The following NADK variants were observed in gnomAD, a reference collection of about 807,000 sequenced individuals.
The protein encoded by NADK is poly(P)/ATP NAD kinase.
NADK carries 22 observed loss-of-function variants against 49.8 expected under a neutral mutation model. That is an observed-to-expected ratio of 0.44 (90% CI 0.32 to 0.63). The LOEUF (loss-of-function observed/expected upper bound fraction) is 0.63, where lower values mean the gene tolerates loss of function less well. NADK is among the 30% of genes least tolerant of loss of function. NADK has a pLI of 0.06. For synonymous variants in NADK, 268 were observed against 253.7 expected (o/e 1.06, Z -0.54); for missense variants, 438 against 609.4 (o/e 0.72, Z 2.96).
At chr1:1,756,861 C>T (rs542461420) in intron 4 of NADK, 56 of 815,292 alleles carry the variant, frequency 6.9e-5, no homozygotes, top group East Asian at 3.1e-4. Context: ...TCCTGGGCGC[C>T]GCAACCCCCA....
rs150051653 is a variant in NADK at position 1,774,292 on chromosome 1, G to A, written c.-41+3997C>T. 6.1e-3 allele frequency among the ~76,000 whole-genome samples: 933 copies of A among 151,976 alleles called. 8 individuals are homozygous for A. Among genetic ancestry groups the A allele is most frequent in the Middle Eastern group, 0.01 (3 of 294 alleles). ...GTTGTCCAGGCTGGAGTGCAGTGGCGCGATCTCGGCTCACCGCAAACTCTG... is the reference window on the plus strand; with the variant it reads ...GTTGTCCAGGCTGGAGTGCAGTGGCACGATCTCGGCTCACCGCAAACTCTG... On this transcript the variant is annotated intron_variant, in intron 1 of 11. Coordinates refer to ENST00000341426, the MANE Select transcript of NADK (RefSeq NM_023018.5).
Position 1,752,748 on chromosome 1 carries a change from G to T in NADK, c.*156C>A. The T allele has an allele frequency of 7.2e-6, 6 of 835,852 alleles. No homozygotes were observed. Among genetic ancestry groups the T allele is most frequent in the East Asian group, 2.6e-5 (1 of 38,188 alleles). 51.8% of individuals were successfully genotyped at this position (835,852 alleles called of 1,614,324 possible). A position where few individuals can be genotyped will look rare whatever the true frequency, so the allele number is the denominator to read the frequency against. ...AGTCAGACATTTTAAAAAAACAGCT[G>T]ATCTGGACAAAAGGCAGACCCAGGC... On this transcript the variant is annotated 3_prime_UTR_variant, in exon 12 of 12. Coordinates refer to ENST00000341426, the MANE Select transcript of NADK (RefSeq NM_023018.5).
intron 1 of NADK, among the ~76,000 whole-genome samples, chr1:1,771,443 T>C (rs892217213): frequency 6.6e-5 from 10 of 152,132 alleles, no homozygotes; most frequent in African/African-American, 2.4e-4. Context: ...TGAAAAAACT[T>C]TGAACAAGAA....
chr1:1,755,243 G>A, intron 7 of NADK, 131 bp downstream of exon 7: 2 of 725,956 alleles, frequency 2.8e-6, no homozygotes, highest in Non-Finnish European at 4.7e-6. Flanking sequence ...TCAAGATTTA[G>A]AAATCCCTGA....
chr1:1,757,084 T>G, intron 4 of NADK, 97 bp downstream of exon 4: 2 of 1,523,558 alleles, frequency 1.3e-6, no homozygotes, highest in Non-Finnish European at 1.8e-6. Context: ...GCCCAGCACT[T>G]GAGGTGGTTC....
intron 1 of NADK, among the ~76,000 whole-genome samples, chr1:1,767,071 C>T (rs561535815): frequency 2.9e-4 from 44 of 152,264 alleles, no homozygotes; most frequent in African/African-American, 9.4e-4. Flanking sequence ...TGCGCCACCA[C>T]GCTCAGCTAA....
chr1:1,753,598 G>A lies in NADK; in HGVS notation c.1153C>T (p.Arg385Trp), dbSNP rs761513924. 4 of 1,612,772 alleles carry A rather than the reference G, an allele frequency of 2.5e-6. No individual in the cohort carries two copies. The highest frequency in any genetic ancestry group is 1.1e-5 in the South Asian group (1 of 90,714). ...CCATGGCGGATCTCTTGTCTCTTCC[G>A]TCCATCAAAGGACACCCATGCTGTG... The part of the protein sequence containing the change: ...RNTAWVSFDG[R>W]KRQEIRHGDS... Residue 385 changes from arginine (R) to tryptophan (W), a missense_variant, in exon 11 of 12, where the codon CGG becomes TGG. Arg to Trp is a moderately radical substitution (Grantham distance 101). Transcript: ENST00000341426.
rs974484592 is a variant in NADK, at chr1:1,778,147, C to T, written c.-41+142G>A. 3 of 152,316 alleles carry T rather than the reference C, an allele frequency of 2.0e-5. No homozygotes were observed. Among genetic ancestry groups the T allele is most frequent in the Admixed American group, 2.0e-4 (3 of 15,292 alleles). 9.4% of individuals were successfully genotyped at this position (152,316 alleles called of 1,614,324 possible). A position where few individuals can be genotyped will look rare whatever the true frequency, so the allele number is the denominator to read the frequency against. ...CATTCGGGACGGAGCGGTGGCCCGT[C>T]AGCACTTCCACGGCCTCCTCAGCAG... On this transcript the variant is annotated intron_variant, in intron 1 of 11. Coordinates refer to ENST00000341426, the MANE Select transcript of NADK (RefSeq NM_023018.5). The surrounding 1 kb of genome is among the most constrained non-coding windows in gnomAD (Gnocchi z 4.9).
intron 3 of NADK, chr1:1,759,275 C>G: frequency 6.5e-7 from 1 of 1,541,020 alleles, no homozygotes; most frequent in Middle Eastern, 1.7e-4. Flanking sequence ...CTTGCAGGCA[C>G]GCACGGCTGT....
At chr1:1,765,096 G>A (rs1645844418) in intron 2 of NADK, 132 bp downstream of exon 2, 2 of 901,944 alleles carry the variant, frequency 2.2e-6, no homozygotes, top group Non-Finnish European at 3.3e-6. Flanking sequence ...GCTTCACCTG[G>A]GCAAGGACCC....
Position 1,752,723 on chromosome 1 carries a change from A to T in NADK, c.*181T>A. 3 of 683,556 alleles carry T rather than the reference A, an allele frequency of 4.4e-6. No homozygotes were observed. Among genetic ancestry groups the T allele is most frequent in the Admixed American group, 5.9e-5 (2 of 34,110 alleles). 42.3% of individuals were successfully genotyped at this position (683,556 alleles called of 1,614,324 possible). ...CACGCTTCTTTAGAAATGCAAAAAA[A>T]GTCAGACATTTTAAAAAAACAGCTG... On this transcript the variant is annotated 3_prime_UTR_variant, in exon 12 of 12. Transcript: ENST00000341426.
At position 1,755,351 on chromosome 1, in the gene NADK, G is replaced by A. The variant is rs144964305; in HGVS notation, c.688+23C>T. On this transcript the variant is annotated intron_variant, in intron 7 of 11. Coordinates refer to ENST00000341426, the MANE Select transcript of NADK (RefSeq NM_023018.5). ...CAGCGCCATGATCAGAGCTCCTGTG[G>A]GCTCCAGAACATTCCAACTCACCCT... 297 of 1,561,072 alleles carry A rather than the reference G, an allele frequency of 1.9e-4. 2 individuals carry two copies. In the East Asian group the frequency reaches 6.6e-3, roughly 35 times the overall value.
rs1183774888 is a variant in NADK at position 1,756,354 on chromosome 1, C to A, written c.500-11G>T. On this transcript the variant is annotated splice_polypyrimidine_tract_variant and intron_variant, in intron 5 of 11. Transcript: ENST00000341426. The stretch of plus-strand genomic sequence containing the variant: ...AAATGTCATCATAATCTAGGAAACA[C>A]AAAGCAAAACCAAGAAGAGGCTGTC... The A allele has an allele frequency of 6.2e-7, 1 of 1,613,548 alleles. No individual in the cohort carries two copies. Among genetic ancestry groups the A allele is most frequent in the African/African-American group, 1.3e-5 (1 of 74,898 alleles).
intron 4 of NADK, 77 bp downstream of exon 4, chr1:1,757,104 C>A: frequency 6.5e-7 from 1 of 1,541,760 alleles, no homozygotes; most frequent in Non-Finnish European, 8.8e-7. Flanking sequence ...CCCATGGTCT[C>A]ACGGGGCGGT....
chr1:1,754,744 G>A lies in NADK; in HGVS notation c.689-46C>T, dbSNP rs746293901. On this transcript the variant is annotated intron_variant, in intron 7 of 11. Coordinates refer to ENST00000341426, the MANE Select transcript of NADK (RefSeq NM_023018.5). This position sits in a 1 kb window ranked among gnomAD's most constrained non-coding sequence, Gnocchi z 4.3. Reference sequence around the variant, plus strand: ...GAGGGCATGCATCAGGGAAGTCAGTGGGGTCAGGGGCCCCACCCCAGGGAG... The same window carrying A: ...GAGGGCATGCATCAGGGAAGTCAGTAGGGTCAGGGGCCCCACCCCAGGGAG... The A allele has an allele frequency of 3.7e-5, 57 of 1,550,552 alleles. No individual in the cohort carries two copies. Among genetic ancestry groups the A allele is most frequent in the Non-Finnish European group, 4.6e-5 (53 of 1,151,524 alleles).
intron 1 of NADK, among the ~76,000 whole-genome samples, chr1:1,773,110 T>G (rs1646100082): frequency 6.6e-6 from 1 of 151,692 alleles, no homozygotes; most frequent in Non-Finnish European, 1.5e-5. Flanking sequence ...CTCTGTACTA[T>G]TTTTACAACT....
intron 1 of NADK, among the ~76,000 whole-genome samples, chr1:1,770,604 T>C (rs11805947): frequency 7.6e-4 from 115 of 151,920 alleles, no homozygotes; most frequent in African/African-American, 2.7e-3. Context: ...TGGTGGCGGG[T>C]GCCTGTAGTC....
chr1:1,768,541 G>A (rs912495084), intron 1 of NADK, among the ~76,000 whole-genome samples: 15 of 152,290 alleles, frequency 9.8e-5, no homozygotes, highest in African/African-American at 3.6e-4. Flanking sequence ...AGGCAATAGA[G>A]ACCCTGTCTC....
chr1:1,774,100 AAAT>A (rs1049117593), intron 1 of NADK, among the ~76,000 whole-genome samples: 10 of 151,798 alleles, frequency 6.6e-5, no homozygotes, highest in African/African-American at 1.9e-4. Context: ...CTAATTTATA[AAAT>A]AATATTAAAT....
Sources: allele counts gnomAD v4.1 joint callset (sites outside exome capture counted in the v4.1 genomes callset), GRCh38; gene constraint gnomAD v4.1.1; non-coding constraint Gnocchi (gnomAD v3.1); transcripts MANE v1.5; gene names NCBI Gene and HGNC (gene_info 2026-07-23, HGNC 2026-07-21).